Variants in OR7C1 observed in about 807,000 individuals in gnomAD.
The protein encoded by OR7C1 is olfactory receptor 7C1.
For synonymous variants in OR7C1, 152 were observed against 160.7 expected (o/e 0.95, Z 0.41); for missense variants, 324 against 383.3 (o/e 0.85, Z 1.29).
chr19:14,828,212 T>G (rs758464738), intron 1 of OR7C1: 2 of 1,612,638 alleles, frequency 1.2e-6, no homozygotes, highest in Non-Finnish European at 8.5e-7. Flanking sequence ...GAAGAAATTC[T>G]GAAATTTGTG....
intron 1 of OR7C1, among the ~76,000 whole-genome samples, chr19:14,822,751 TTC>T (rs1197113342): frequency 6.6e-6 from 1 of 152,124 alleles, no homozygotes; most frequent in African/African-American, 2.4e-5. Flanking sequence ...TAATGTACAT[TTC>T]TCTGATAATC....
At position 14,805,033 on chromosome 19, in the gene OR7C1, A is replaced by G. The variant is rs146414245; in HGVS notation, c.-434-4269T>C. 3.4e-3 allele frequency among the ~76,000 whole-genome samples: 514 copies of G among 152,008 alleles called. 20 individuals carry two copies. The highest frequency in any genetic ancestry group is 0.012 in the African/African-American group (481 of 41,298). ...ACTACAAGAATGCACCGTCACACCC[A>G]GAAGCTAGTGGATCTAGATAGATAG... On this transcript the variant is annotated intron_variant, in intron 2 of 4. Coordinates refer to ENST00000641666, the Ensembl canonical transcript of OR7C1.
At chr19:14,811,900 C>T (rs1359615472) in intron 1 of OR7C1, among the ~76,000 whole-genome samples, 3 of 151,960 alleles carry the variant, frequency 2.0e-5, no homozygotes, top group South Asian at 4.1e-4. Flanking sequence ...TCCTCCCGTG[C>T]GGCCTAGCTC....
chr19:14,830,536 A>T (rs892019534), intron 1 of OR7C1, among the ~76,000 whole-genome samples: 3 of 152,208 alleles, frequency 2.0e-5, no homozygotes, highest in African/African-American at 7.2e-5. Context: ...TTCAGCTTCC[A>T]TTGTATCTCC....
At chr19:14,805,406 ATTTTTT>A (rs33957500) in intron 2 of OR7C1, among the ~76,000 whole-genome samples, 2 of 98,056 alleles carry the variant, frequency 2.0e-5, no homozygotes, top group Admixed American at 1.2e-4. Context: ...CAGGAAAATA[ATTTTTT>A]TTTTTTTTTT....
At chr19:14,818,192 A>G (rs779325864) in intron 1 of OR7C1, among the ~76,000 whole-genome samples, 57 of 151,974 alleles carry the variant, frequency 3.8e-4, no homozygotes, top group Non-Finnish European at 7.4e-4. Context: ...TCCCAGGTTC[A>G]CGGCGTTCTC....
At chr19:14,825,518 T>C (rs1045446346) in intron 1 of OR7C1, 1 of 152,198 alleles carries the variant, frequency 6.6e-6, no homozygotes, top group African/African-American at 2.4e-5. Context: ...CAAAAGAATA[T>C]GGTGGAATTG....
chr19:14,812,932 G>T (rs756051929), intron 1 of OR7C1, among the ~76,000 whole-genome samples: 27 of 152,056 alleles, frequency 1.8e-4, no homozygotes, highest in Middle Eastern at 3.4e-3. Flanking sequence ...AGGCAAAGTG[G>T]TGCACGCCTG....
intron 1 of OR7C1, among the ~76,000 whole-genome samples, chr19:14,828,796 ACTT>A (rs1426383210): frequency 1.3e-5 from 2 of 149,208 alleles, no homozygotes; most frequent in Non-Finnish European, 3.0e-5. Context: ...AAGAATGAGA[ACTT>A]CTTCTATGAA....
intron 2 of OR7C1, among the ~76,000 whole-genome samples, chr19:14,803,230 C>T (rs1049416177): frequency 2.1e-5 from 3 of 144,384 alleles, no homozygotes; most frequent in African/African-American, 7.8e-5. Context: ...TCACTTGAAA[C>T]TGGGAGATGG....
chr19:14,807,979 C>T (rs1175196417), intron 2 of OR7C1, among the ~76,000 whole-genome samples: 3 of 146,598 alleles, frequency 2.0e-5, no homozygotes, highest in Non-Finnish European at 3.1e-5. Flanking sequence ...TCCTCACCAA[C>T]ATATTTTTTT....
chr19:14,820,994 C>T (rs1302662567), intron 1 of OR7C1, among the ~76,000 whole-genome samples: 1 of 152,190 alleles, frequency 6.6e-6, no homozygotes, highest in Non-Finnish European at 1.5e-5. Context: ...TGGCTCACAC[C>T]TGTAATCCCA....
chr19:14,832,624 AC>A (rs1458244322), intron 1 of OR7C1, among the ~76,000 whole-genome samples: 1 of 151,012 alleles, frequency 6.6e-6, no homozygotes, highest in Non-Finnish European at 1.5e-5. Context: ...TCGGGGTTTC[AC>A]CATGTTGGCC....
chr19:14,814,813 A>T (rs2044708705), intron 1 of OR7C1, among the ~76,000 whole-genome samples: 1 of 152,162 alleles, frequency 6.6e-6, no homozygotes, highest in African/African-American at 2.4e-5. Context: ...CCATGACGGG[A>T]CGAGAGGTCA....
chr19:14,805,406 A>ATTTT (rs33957500), intron 2 of OR7C1, among the ~76,000 whole-genome samples: 21 of 98,100 alleles, frequency 2.1e-4, no homozygotes, highest in South Asian at 7.9e-4. Flanking sequence ...CAGGAAAATA[A>ATTTT]TTTTTTTTTT....
At chr19:14,808,340 C>A (rs2147649234) in intron 2 of OR7C1, among the ~76,000 whole-genome samples, 1 of 152,044 alleles carries the variant, frequency 6.6e-6, no homozygotes, top group South Asian at 2.1e-4. Context: ...CAGCACTATT[C>A]ACAATAGCCA....
At chr19:14,829,256 C>T (rs55780047) in intron 1 of OR7C1, among the ~76,000 whole-genome samples, 1,731 of 152,276 alleles carry the variant, frequency 0.011, 28 homozygotes, top group African/African-American at 0.04. Context: ...CGGGCTGGAG[C>T]GCAGTGGCGC....
At chr19:14,831,341 A>G (rs8107079) in intron 1 of OR7C1, among the ~76,000 whole-genome samples, 29,305 of 152,144 alleles carry the variant, frequency 0.19, 3,476 homozygotes, top group African/African-American at 0.33. Flanking sequence ...TGCCTATTCC[A>G]TATTTACTTG....
At chr19:14,813,909 G>A (rs1400542966) in intron 1 of OR7C1, among the ~76,000 whole-genome samples, 1 of 152,132 alleles carries the variant, frequency 6.6e-6, no homozygotes, top group Non-Finnish European at 1.5e-5. Flanking sequence ...TGTACACCAT[G>A]ACCAACAGGA....
Sources: gnomAD v4.1 joint callset for allele counts (sites outside exome capture counted in the v4.1 genomes callset) on GRCh38, gnomAD v4.1.1 for gene constraint, MANE v1.5 for transcripts, NCBI Gene and HGNC (gene_info 2026-07-23, HGNC 2026-07-21) for gene names.